The following BLVRA variants were observed in gnomAD, a reference collection of about 807,000 sequenced individuals.
The protein encoded by BLVRA is biliverdin reductase A.
BLVRA carries 22 observed loss-of-function variants against 32.8 expected under a neutral mutation model. The ratio of observed to expected loss-of-function variants is 0.67; its 90% CI spans 0.48 to 0.96. The LOEUF (loss-of-function observed/expected upper bound fraction) is 0.96. BLVRA is among the 40% of genes least tolerant of loss of function. BLVRA has a pLI of 0.00. For synonymous variants in BLVRA, 119 were observed against 141.3 expected (o/e 0.84, Z 1.12); for missense variants, 323 against 358.1 (o/e 0.90, Z 0.79).
intron 2 of BLVRA, among the ~76,000 whole-genome samples, chr7:43,776,831 T>C (rs1585719826): frequency 1.3e-5 from 2 of 152,190 alleles, no homozygotes; most frequent in South Asian, 4.1e-4. Flanking sequence ...TGCTCCTGTA[T>C]TGGGTGCATA....
intron 6 of BLVRA, among the ~76,000 whole-genome samples, chr7:43,800,839 T>G (rs1278099018): frequency 6.6e-6 from 1 of 152,144 alleles, no homozygotes; most frequent in East Asian, 1.9e-4. Flanking sequence ...TAAAACTCTT[T>G]TAAAAGGATG....
In BLVRA at chr7:43,800,421, C is replaced by T. The variant is rs765508679; in HGVS notation, c.353-44C>T. The T allele has an allele frequency of 8.3e-6, 13 of 1,565,914 alleles. No individual in the cohort carries two copies. The South Asian group carries it at 1.3e-4, about 16-fold the overall frequency. The stretch of plus-strand genomic sequence containing the variant: ...GTACCCTCTGGGATGCACACCTAGA[C>T]ACAACTGACGACTGCCCTTTTTATT... On this transcript the variant is annotated intron_variant, in intron 5 of 7. Coordinates refer to ENST00000265523, the MANE Select transcript of BLVRA (RefSeq NM_000712.4).
At chr7:43,803,612 C>G in intron 6 of BLVRA, 64 bp from the exon 7 acceptor site, 3 of 1,494,896 alleles carry the variant, frequency 2.0e-6, no homozygotes, top group Non-Finnish European at 2.8e-6. Context: ...CCCCACCCCC[C>G]TGTCCTGCTT....
chr7:43,790,159 C>A (rs1038297137), intron 3 of BLVRA, among the ~76,000 whole-genome samples: 1 of 152,034 alleles, frequency 6.6e-6, no homozygotes, highest in Non-Finnish European at 1.5e-5. Flanking sequence ...AGCTGTCCCA[C>A]ATTCCCCCAT....
intron 2 of BLVRA, among the ~76,000 whole-genome samples, chr7:43,786,652 C>T (rs1375836069): frequency 6.6e-6 from 1 of 152,186 alleles, no homozygotes; most frequent in Non-Finnish European, 1.5e-5. Context: ...CTCAATAAAT[C>T]TAAAAGGATT....
intron 6 of BLVRA, 68 bp from the exon 7 acceptor site, chr7:43,803,608 C>G (rs2095801051): frequency 6.9e-7 from 1 of 1,445,194 alleles, no homozygotes; most frequent in South Asian, 1.1e-5. Context: ...CCACCCCCAC[C>G]CCCCTGTCCT....
At chr7:43,771,291 C>G (rs2095754389) in intron 2 of BLVRA, 121 bp downstream of exon 2, 1 of 1,198,836 alleles carries the variant, frequency 8.3e-7, no homozygotes, top group Non-Finnish European at 1.2e-6. Context: ...CATTTCCCCT[C>G]TAGCCTACTG....
intron 7 of BLVRA, among the ~76,000 whole-genome samples, chr7:43,805,483 A>C (rs2095803165): frequency 1.3e-5 from 2 of 152,036 alleles, no homozygotes; most frequent in African/African-American, 4.8e-5. Context: ...AGGTTTCACC[A>C]TGTTGGTCAG....
At position 43,800,589 on chromosome 7, in the gene BLVRA, A is replaced by G; in HGVS notation, c.460+17A>G. On this transcript the variant is annotated intron_variant, in intron 6 of 7. Coordinates refer to ENST00000265523, the MANE Select transcript of BLVRA (RefSeq NM_000712.4). ...TCTTCACAGGTCAGTGCTACGTGGG[A>G]TCACAGGTCACATGTGAGGTCCAAA... is the stretch of plus-strand genomic sequence containing the variant. 6.2e-7 allele frequency: 1 copy of G among 1,607,150 alleles called. No homozygotes were observed. Among genetic ancestry groups the G allele is most frequent in the Non-Finnish European group, 8.5e-7 (1 of 1,173,992 alleles).
At position 43,807,334 on chromosome 7, in the gene BLVRA, A is replaced by G. The variant is rs1418833740; in HGVS notation, c.*99A>G. ...ATTCTTAAAATTAAACATGTTGGGG[A>G]AACAAGAATCTTATTGTTATGAGCT... On this transcript the variant is annotated 3_prime_UTR_variant, in exon 8 of 8. Transcript: ENST00000265523. 4 of 1,551,222 alleles carry G rather than the reference A, an allele frequency of 2.6e-6. No individual in the cohort carries two copies. Among genetic ancestry groups the G allele is most frequent in the Non-Finnish European group, 3.5e-6 (4 of 1,137,476 alleles).
intron 1 of BLVRA, among the ~76,000 whole-genome samples, chr7:43,766,030 G>T (rs369764348): frequency 6.6e-6 from 1 of 152,234 alleles, no homozygotes; most frequent in African/African-American, 2.4e-5. Flanking sequence ...GCTCATGCCT[G>T]TAATCCCAGC....
chr7:43,778,855 A>G (rs2095764976), intron 2 of BLVRA, among the ~76,000 whole-genome samples: 1 of 152,220 alleles, frequency 6.6e-6, no homozygotes, highest in Non-Finnish European at 1.5e-5. Context: ...AGCCTGGGCA[A>G]TGGCAGGCGC....
chr7:43,767,963 T>A (rs1345119288), intron 1 of BLVRA, among the ~76,000 whole-genome samples: 1 of 152,110 alleles, frequency 6.6e-6, no homozygotes, highest in Non-Finnish European at 1.5e-5. Flanking sequence ...AGCAGTAGAA[T>A]TGCTAGGTCA....
At chr7:43,789,573 T>A (rs1282053625) in intron 3 of BLVRA, among the ~76,000 whole-genome samples, 1 of 152,180 alleles carries the variant, frequency 6.6e-6, no homozygotes, top group Non-Finnish European at 1.5e-5. Flanking sequence ...AAGGCTGAAA[T>A]GGGACCTTTC....
chr7:43,803,720 G>A lies in BLVRA; in HGVS notation c.505G>A (p.Gly169Ser), dbSNP rs1016829826. ...EERFGFPAFS[G>S]ISRLTWLVSL... ...GCGGTTTGGCTTCCCTGCATTCAGC[G>A]GCATCTCTCGCCTGACCTGGCTGGT... Residue 169 changes from glycine to serine, a missense_variant, in exon 7 of 8, where the codon GGC becomes AGC. By Grantham distance (56) the Gly-to-Ser change is moderately conservative (BLOSUM62 0). Transcript: ENST00000265523. The A allele has an allele frequency of 6.8e-6, 11 of 1,613,790 alleles. No homozygotes were observed. Among genetic ancestry groups the A allele is most frequent in the South Asian group, 1.1e-5 (1 of 91,078 alleles).
At position 43,787,036 on chromosome 7, in the gene BLVRA, C is replaced by T. The variant is rs897199199; in HGVS notation, c.13-868C>T. 3.3e-5 allele frequency among the ~76,000 whole-genome samples: 5 copies of T among 152,102 alleles called. No homozygotes were observed. The highest frequency in any genetic ancestry group is 1.2e-4 in the African/African-American group (5 of 41,400). On this transcript the variant is annotated intron_variant, in intron 2 of 7. Transcript: ENST00000265523. This position sits in a 1 kb window ranked among gnomAD's most constrained non-coding sequence, Gnocchi z 4.5. ...CTCCCAGGTTCAAGCAATTCTCCTG[C>T]CTCGGCCTCCTAAGTAGCTGGGATT...
chr7:43,792,244 T>G (rs931698455), intron 4 of BLVRA, among the ~76,000 whole-genome samples: 26 of 152,200 alleles, frequency 1.7e-4, no homozygotes, highest in African/African-American at 6.0e-4. Context: ...CTGCATACGC[T>G]GCTCACAGTG....
At chr7:43,798,226 A>AT (rs1563550433) in intron 5 of BLVRA, among the ~76,000 whole-genome samples, 13 of 141,676 alleles carry the variant, frequency 9.2e-5, no homozygotes, top group South Asian at 8.8e-4. Flanking sequence ...AAAAAAAAAA[A>AT]GGAAACGATG....
intron 1 of BLVRA, among the ~76,000 whole-genome samples, chr7:43,762,524 T>C (rs2095743432): frequency 6.6e-6 from 1 of 151,428 alleles, no homozygotes; most frequent in African/African-American, 2.4e-5. Flanking sequence ...AGATTTTGCA[T>C]CTCTCCCACG....
Sources: allele counts gnomAD v4.1 joint callset (sites outside exome capture counted in the v4.1 genomes callset), GRCh38; gene constraint gnomAD v4.1.1; non-coding constraint Gnocchi (gnomAD v3.1); transcripts MANE v1.5; gene names NCBI Gene and HGNC (gene_info 2026-07-23, HGNC 2026-07-21).